Variants in LRP1B observed in about 807,000 individuals in gnomAD.
LRP1B encodes the protein low-density lipoprotein receptor-related protein 1B.
Under a neutral mutation model 556.6 loss-of-function variants are expected in LRP1B, and 217 were observed. That is an observed-to-expected ratio of 0.39 (90% confidence interval 0.35 to 0.44). The LOEUF is 0.44. Ranked by LOEUF, LRP1B falls within the 20% of genes least tolerant of loss-of-function variation. The pLI, the probability that LRP1B is intolerant of heterozygous loss-of-function variation, is 1.00. For synonymous variants in LRP1B, 2,047 were observed against 1,865.8 expected (o/e 1.10, Z -2.50); for missense variants, 5,053 against 5,620.8 (o/e 0.90, Z 3.23).
rs1329439562 is a variant in LRP1B, at chr2:140,286,882, CTT to C, written c.12967+10924_12967+10925del. Among the ~76,000 whole-genome samples, 9 of 151,716 alleles carry C rather than the reference CTT, an allele frequency of 5.9e-5. No individual in the cohort carries two copies. The South Asian group carries it at 1.7e-3, about 28-fold the overall frequency. On this transcript the variant is annotated intron_variant, in intron 84 of 90. Coordinates refer to ENST00000389484, the MANE Select transcript of LRP1B (RefSeq NM_018557.3). The stretch of plus-strand genomic sequence containing the variant: ...CATTAATTTTACAATTTACAGAAGA[CTT>C]TTCTTATAGATTATCGCACTTTAAA...
At chr2:141,265,430 C>G (rs1433395836) in intron 3 of LRP1B, among the ~76,000 whole-genome samples, 1 of 152,202 alleles carries the variant, frequency 6.6e-6, no homozygotes, top group Non-Finnish European at 1.5e-5. Context: ...TGGAGGCCCT[C>G]ATGCTGTCCC....
At chr2:141,365,800 G>A (rs1339546280) in intron 3 of LRP1B, among the ~76,000 whole-genome samples, 1 of 150,940 alleles carries the variant, frequency 6.6e-6, no homozygotes, top group Non-Finnish European at 1.5e-5. Context: ...AGCCTCCTGA[G>A]TAGCTGGGAC....
intron 3 of LRP1B, among the ~76,000 whole-genome samples, chr2:141,322,207 G>T (rs1444824373): frequency 6.6e-6 from 1 of 152,084 alleles, no homozygotes; most frequent in Non-Finnish European, 1.5e-5. Flanking sequence ...TCCATGACAA[G>T]AGAGGACAGA....
At chr2:140,625,267 A>G (rs1683615344) in intron 41 of LRP1B, among the ~76,000 whole-genome samples, 1 of 152,212 alleles carries the variant, frequency 6.6e-6, no homozygotes, top group Admixed American at 6.5e-5. Flanking sequence ...CATAAATTGG[A>G]TGTATTTTGA....
At chr2:141,031,359 A>T (rs1698366558) in intron 11 of LRP1B, among the ~76,000 whole-genome samples, 1 of 150,982 alleles carries the variant, frequency 6.6e-6, no homozygotes, top group South Asian at 2.1e-4. Context: ...GAAGAGTATT[A>T]CTTAGTTACC....
chr2:141,058,129 T>C (rs1448350596), intron 9 of LRP1B, among the ~76,000 whole-genome samples: 1 of 151,866 alleles, frequency 6.6e-6, no homozygotes, highest in Non-Finnish European at 1.5e-5. Context: ...GAAAAATTAA[T>C]GAATGAATAA....
intron 2 of LRP1B, among the ~76,000 whole-genome samples, chr2:141,723,770 T>A (rs1692928853): frequency 6.6e-6 from 1 of 151,832 alleles, no homozygotes; most frequent in Admixed American, 6.6e-5. Flanking sequence ...ATAATTATAT[T>A]TCATGACCTA....
At chr2:140,452,755 A>G (rs537692842) in intron 62 of LRP1B, among the ~76,000 whole-genome samples, 1 of 152,146 alleles carries the variant, frequency 6.6e-6, no homozygotes, top group East Asian at 1.9e-4. Context: ...AGATTATTTG[A>G]TGTTGGCTTT....
At chr2:140,312,166 T>C (rs969466845) in intron 83 of LRP1B, among the ~76,000 whole-genome samples, 5 of 151,998 alleles carry the variant, frequency 3.3e-5, no homozygotes, top group African/African-American at 9.7e-5. Flanking sequence ...ACTTAAAATA[T>C]TCAATTCAAA....
chr2:141,467,703 T>C (rs943851160), intron 3 of LRP1B, among the ~76,000 whole-genome samples: 8 of 152,102 alleles, frequency 5.3e-5, no homozygotes, highest in African/African-American at 1.9e-4. Flanking sequence ...CTTCTGCACA[T>C]TGCAGATATT....
At chr2:140,645,012 G>T (rs1290667868) in intron 41 of LRP1B, among the ~76,000 whole-genome samples, 1 of 151,886 alleles carries the variant, frequency 6.6e-6, no homozygotes, top group Admixed American at 6.6e-5. Flanking sequence ...CTACCTCTCG[G>T]ATTTCCACTT....
rs2105304230 is a variant in LRP1B, at chr2:140,444,406, G to A, written c.10218C>T (p.Asn3406=). 2 of 1,613,840 alleles carry A rather than the reference G, an allele frequency of 1.2e-6. No individual in the cohort carries two copies. The highest frequency in any genetic ancestry group is 1.7e-6 in the Non-Finnish European group (2 of 1,179,874). Residue 3406 remains asparagine (N), a synonymous_variant, in exon 65 of 91, where the codon AAC becomes AAT. Coordinates refer to ENST00000389484, the MANE Select transcript of LRP1B (RefSeq NM_018557.3). ...CLSGQFKCTK[N]QKCIPVNLRC... is the part of the protein sequence containing the mutation. ...TTAAGTTTACTGGGATACATTTCTG[G>A]TTCTTGGTACATTTGAATTGACCTG... is the stretch of plus-strand genomic sequence containing the variant.
intron 5 of LRP1B, among the ~76,000 whole-genome samples, chr2:141,242,882 T>G (rs1683930468): frequency 6.6e-6 from 1 of 152,092 alleles, no homozygotes. Context: ...ATTTGTAAGT[T>G]AAACACCATT....
At chr2:141,602,761 G>T (rs1347345139) in intron 2 of LRP1B, among the ~76,000 whole-genome samples, 1 of 152,082 alleles carries the variant, frequency 6.6e-6, no homozygotes, top group African/African-American at 2.4e-5. Flanking sequence ...AGTCCCACAT[G>T]AACTGTTTTT....
intron 2 of LRP1B, among the ~76,000 whole-genome samples, chr2:141,524,765 AAGAG>A (rs535781940): frequency 1.3e-5 from 2 of 151,886 alleles, no homozygotes; most frequent in South Asian, 4.2e-4. Flanking sequence ...ATGAAAAAGA[AAGAG>A]AGAGAGAGAC....
chr2:141,326,864 A>G (rs1445951433), intron 3 of LRP1B, among the ~76,000 whole-genome samples: 1 of 152,186 alleles, frequency 6.6e-6, no homozygotes, highest in African/African-American at 2.4e-5. Flanking sequence ...AGGCCCTACA[A>G]TAACATATAA....
chr2:141,608,680 G>A (rs1688003546), intron 2 of LRP1B, among the ~76,000 whole-genome samples: 1 of 151,938 alleles, frequency 6.6e-6, no homozygotes, highest in Non-Finnish European at 1.5e-5. Context: ...AAAATATATA[G>A]GCACTTAATT....
At chr2:142,079,260 T>C (rs1705623387) in intron 1 of LRP1B, among the ~76,000 whole-genome samples, 1 of 152,166 alleles carries the variant, frequency 6.6e-6, no homozygotes, top group African/African-American at 2.4e-5. Context: ...ACTTTATGGA[T>C]ATAATAATTA....
chr2:141,858,626 A>T (rs189526775), intron 1 of LRP1B, among the ~76,000 whole-genome samples: 175 of 151,164 alleles, frequency 1.2e-3, no homozygotes, highest in African/African-American at 4.0e-3. Context: ...TTTAATTTGG[A>T]TATTGACTTA....
Sources: gnomAD v4.1 joint callset for allele counts (sites outside exome capture counted in the v4.1 genomes callset) on GRCh38, gnomAD v4.1.1 for gene constraint, MANE v1.5 for transcripts, NCBI Gene and HGNC (gene_info 2026-07-23, HGNC 2026-07-21) for gene names.